Variants in TBL1X observed in about 807,000 individuals in gnomAD.
The protein encoded by TBL1X is transducin beta like 1 X-linked.
A neutral mutation model predicts 50.7 loss-of-function variants in TBL1X; 10 were observed. The observed-to-expected ratio is 0.20, with a 90% confidence interval of 0.12 to 0.33. TBL1X has a LOEUF of 0.33. Among genes scored for constraint, TBL1X ranks in the 10% least tolerant of loss-of-function variants. The probability of loss-of-function intolerance (pLI) is 1.00; values close to 1 mark genes in which losing one functional copy is unlikely to be tolerated. For missense variants in TBL1X, 340 were observed against 504.4 expected (o/e 0.67, Z 3.12); for synonymous variants, 190 against 214.7 (o/e 0.88, Z 1.01).
In TBL1X at chrX:9,709,260, G is replaced by A. The variant is rs2083229730; in HGVS notation, c.1249G>A (p.Ala417Thr). The change falls in exon 14 of 18, where the codon GCC becomes ACC. Residue 417 changes from alanine (A) to threonine (T), a missense_variant. Physicochemically the swap from Ala to Thr is moderately conservative, Grantham distance 58. This residue lies in a region of TBL1X where 170 missense variants were observed against 272.6 expected (regional missense o/e 0.62). Transcript: ENST00000645353. ...TGCTCTCTTTCAGAACGAGGTCAAC[G>A]CCATCAAATGGGATCCGTCTGGAAT... ...TFQGHTNEVN[A>T]IKWDPSGMLL... 8.3e-7 allele frequency: 1 copy of A among 1,211,073 alleles called. No individual in the cohort carries two copies. The highest frequency in any genetic ancestry group is 1.8e-5 in the South Asian group (1 of 56,922).
At chrX:9,668,498 A>G (rs1462943291) in intron 5 of TBL1X, among the ~76,000 whole-genome samples, 1 of 112,523 alleles carries the variant, frequency 8.9e-6, no homozygotes, top group Non-Finnish European at 1.9e-5. Flanking sequence ...TAGCAATTGA[A>G]TAAGATAAAC....
chrX:9,547,040 G>A (rs1208663204), intron 2 of TBL1X, among the ~76,000 whole-genome samples: 53 of 107,995 alleles, frequency 4.9e-4, no homozygotes, highest in Admixed American at 2.7e-3. Context: ...GGATGGTCTC[G>A]ATCTCCTGAC....
At position 9,609,336 on chromosome X, in the gene TBL1X, G is replaced by GGTGTGTGTGTGTGT. The variant is rs775969638; in HGVS notation, c.-130-30912_-130-30899dup. Reference sequence around the variant, plus strand: ...CATTTTGGTGGTGTGTTTTCTTCCAGGTGTGTGTGTGTGTGTGTGTGTGTG... The same window carrying GGTGTGTGTGTGTGT: ...CATTTTGGTGGTGTGTTTTCTTCCAGGTGTGTGTGTGTGTGTGTGTGTGTGTGTGTGTGTGTGTG... On this transcript the variant is annotated intron_variant, in intron 2 of 17. Transcript: ENST00000645353. Among the ~76,000 whole-genome samples the GGTGTGTGTGTGTGT allele has an allele frequency of 2.1e-3, 196 of 94,767 alleles. 2 individuals are homozygous for GGTGTGTGTGTGTGT. The highest frequency in any genetic ancestry group is 7.3e-3 in the African/African-American group (180 of 24,637). 82.3% of individuals were successfully genotyped at this position (94,767 alleles called of 115,157 possible).
At chrX:9,609,636 G>C (rs980249126) in intron 2 of TBL1X, among the ~76,000 whole-genome samples, 2 of 110,749 alleles carry the variant, frequency 1.8e-5, no homozygotes, top group African/African-American at 6.6e-5. Context: ...AATAGAACTG[G>C]AGGGCTCTTG....
intron 16 of TBL1X, among the ~76,000 whole-genome samples, chrX:9,714,321 A>G (rs2083265594): frequency 8.9e-6 from 1 of 112,389 alleles, no homozygotes; most frequent in Non-Finnish European, 1.9e-5. Context: ...TTTAATTGCT[A>G]CTGGGGTGGG....
chrX:9,598,531 A>G (rs2082537265), intron 2 of TBL1X, among the ~76,000 whole-genome samples: 1 of 111,842 alleles, frequency 8.9e-6, no homozygotes, highest in Admixed American at 9.5e-5. Context: ...CCCAGGTGGC[A>G]CTGGATGATG....
chrX:9,612,023 G>A (rs765773148), intron 2 of TBL1X, among the ~76,000 whole-genome samples: 2 of 112,919 alleles, frequency 1.8e-5, no homozygotes, highest in East Asian at 2.8e-4. Context: ...TCGCCTGGGC[G>A]TTCTGAAGCC....
rs141388178 is a variant in TBL1X, at chrX:9,642,728, G to A, written c.-43+2368G>A. 2.9e-3 allele frequency among the ~76,000 whole-genome samples: 322 copies of A among 112,505 alleles called. 1 individual carries two copies. Among genetic ancestry groups the A allele is most frequent in the Middle Eastern group, 9.2e-3 (2 of 217 alleles). On this transcript the variant is annotated intron_variant, in intron 3 of 17. Transcript: ENST00000645353. ...TCTGTGATGGGCCCGATAGTTAGGGGCTTAGGCTTCGCGGGCCAGGCGGTC... is the reference window on the plus strand; with the variant it reads ...TCTGTGATGGGCCCGATAGTTAGGGACTTAGGCTTCGCGGGCCAGGCGGTC...
At chrX:9,588,553 GTC>G (rs1319528763) in intron 2 of TBL1X, among the ~76,000 whole-genome samples, 4 of 110,565 alleles carry the variant, frequency 3.6e-5, no homozygotes, top group Non-Finnish European at 7.6e-5. Context: ...TACTGATCCT[GTC>G]TCTCTCTCTA....
chrX:9,684,775 G>T (rs1025315857), intron 6 of TBL1X, among the ~76,000 whole-genome samples: 1 of 111,504 alleles, frequency 9.0e-6, no homozygotes, highest in African/African-American at 3.3e-5. Flanking sequence ...CACTTACACC[G>T]CCACATCTGA....
At chrX:9,676,370 G>A (rs916042046) in intron 5 of TBL1X, among the ~76,000 whole-genome samples, 2 of 111,949 alleles carry the variant, frequency 1.8e-5, no homozygotes, top group Non-Finnish European at 3.8e-5. Context: ...GCCCGCCATT[G>A]CCCTGGGAGG....
In TBL1X at chrX:9,678,957, A is replaced by G. The variant is rs1471307259; in HGVS notation, c.212-5086A>G. Among the ~76,000 whole-genome samples the G allele has an allele frequency of 2.7e-5, 3 of 111,308 alleles. No individual in the cohort carries two copies. The Admixed American group carries it at 2.9e-4, about 11-fold the overall frequency. ...TTTTATTCCAAATGGACAGGACTTT[A>G]CATGGAAGATCCTACCATCCTTTAT... is the stretch of plus-strand genomic sequence containing the variant. On this transcript the variant is annotated intron_variant, in intron 5 of 17. Transcript: ENST00000645353.
rs113404737 is a variant in TBL1X at position 9,604,439 on chromosome X, T to C, written c.-130-35834T>C. ...TTTTTGCCAGTGGACTGCCAACTGTTCTCTTAACAGAAGGGCAGTTTTTGA... is the reference window on the plus strand; with the variant it reads ...TTTTTGCCAGTGGACTGCCAACTGTCCTCTTAACAGAAGGGCAGTTTTTGA... On this transcript the variant is annotated intron_variant, in intron 2 of 17. Coordinates refer to ENST00000645353, the MANE Select transcript of TBL1X (RefSeq NM_005647.4). Among the ~76,000 whole-genome samples, 884 of 110,704 alleles carry C rather than the reference T, an allele frequency of 8.0e-3. 10 individuals are homozygous for C. Among genetic ancestry groups the C allele is most frequent in the African/African-American group, 0.027 (826 of 30,383 alleles).
chrX:9,520,667 G>T (rs934130512), intron 2 of TBL1X, among the ~76,000 whole-genome samples: 1 of 111,725 alleles, frequency 9.0e-6, no homozygotes, highest in Non-Finnish European at 1.9e-5. Flanking sequence ...AAAGATGGGG[G>T]TATTGGGGGA....
At chrX:9,709,004 T>C (rs1203485577) in intron 13 of TBL1X, among the ~76,000 whole-genome samples, 1 of 112,411 alleles carries the variant, frequency 8.9e-6, no homozygotes, top group Non-Finnish European at 1.9e-5. Context: ...GGTTTTTTTC[T>C]TAATGAAGTA....
At chrX:9,696,859 G>C (rs2083134755) in intron 11 of TBL1X, among the ~76,000 whole-genome samples, 1 of 112,464 alleles carries the variant, frequency 8.9e-6, no homozygotes. Context: ...TTTATGCCTA[G>C]TTTCCATTAT....
rs1406892077 is a variant in TBL1X at position 9,717,649 on chromosome X, G to C, written c.*1403G>C. On this transcript the variant is annotated 3_prime_UTR_variant, in exon 18 of 18. Coordinates refer to ENST00000645353, the MANE Select transcript of TBL1X (RefSeq NM_005647.4). Reference sequence around the variant, plus strand: ...GCCGTCGAAACCGACTGCTCGGCTGGATTAGGCGTGTTGGCTACATCTTTC... The same window carrying C: ...GCCGTCGAAACCGACTGCTCGGCTGCATTAGGCGTGTTGGCTACATCTTTC... The C allele has an allele frequency of 8.9e-6, 1 of 112,928 alleles. No individual in the cohort carries two copies. Among genetic ancestry groups the C allele is most frequent in the African/African-American group, 3.2e-5 (1 of 31,073 alleles). 9.3% of individuals were successfully genotyped at this position (112,928 alleles called of 1,213,427 possible).
chrX:9,708,275 G>A (rs749469506), intron 13 of TBL1X, among the ~76,000 whole-genome samples: 100 of 112,055 alleles, frequency 8.9e-4, no homozygotes, highest in African/African-American at 3.2e-3. Flanking sequence ...TTAGCCTCGT[G>A]GTCCCCAGGT....
intron 11 of TBL1X, among the ~76,000 whole-genome samples, chrX:9,696,354 T>C (rs1414896942): frequency 3.6e-5 from 4 of 112,671 alleles, no homozygotes; most frequent in Non-Finnish European, 7.5e-5. Context: ...TGAAAATGTC[T>C]ACAGTCAACA....
Sources: allele counts gnomAD v4.1 joint callset (sites outside exome capture counted in the v4.1 genomes callset), GRCh38; gene constraint gnomAD v4.1.1; regional missense constraint gnomAD v4.1.1; transcripts MANE v1.5; gene names NCBI Gene and HGNC (gene_info 2026-07-23, HGNC 2026-07-21).